Variants in CLASP2 observed in about 807,000 individuals in gnomAD.
CLASP2 encodes the protein CLIP-associating protein 2.
CLASP2 carries 47 observed loss-of-function variants against 194.4 expected under a neutral mutation model. The ratio of observed to expected loss-of-function variants is 0.24; its 90% CI spans 0.19 to 0.31. The LOEUF is 0.31. Among genes scored for constraint, CLASP2 ranks in the 10% least tolerant of loss-of-function variants. The probability of loss-of-function intolerance (pLI) is 1.00; values close to 1 mark genes in which losing one functional copy is unlikely to be tolerated. For synonymous variants in CLASP2, 619 were observed against 633.5 expected (o/e 0.98, Z 0.34); for missense variants, 1,445 against 1,823.6 (o/e 0.79, Z 3.78).
chr3:33,535,638 G>T (rs1011863220), intron 33 of CLASP2, among the ~76,000 whole-genome samples, 177 bp from the exon 34 acceptor site: 4 of 152,164 alleles, frequency 2.6e-5, no homozygotes, highest in African/African-American at 9.6e-5. Context: ...TATTCCAGAC[G>T]TCAAAGCTTA....
chr3:33,708,068 G>A (rs975195033), intron 1 of CLASP2, among the ~76,000 whole-genome samples: 1 of 152,106 alleles, frequency 6.6e-6, no homozygotes, highest in Non-Finnish European at 1.5e-5. Context: ...TTCCCCATCT[G>A]TTTTGTGGTG....
At chr3:33,693,808 T>C (rs1402344546) in intron 2 of CLASP2, among the ~76,000 whole-genome samples, 1 of 151,566 alleles carries the variant, frequency 6.6e-6, no homozygotes, top group Non-Finnish European at 1.5e-5. Context: ...CAATATTGAC[T>C]GACAGTAAAT....
At chr3:33,660,938 G>C (rs905182776) in intron 7 of CLASP2, among the ~76,000 whole-genome samples, 1 of 152,158 alleles carries the variant, frequency 6.6e-6, no homozygotes, top group African/African-American at 2.4e-5. Flanking sequence ...AAATAAAGAA[G>C]AAGTTGAATT....
rs1491363004 is a variant in CLASP2 at position 33,684,321 on chromosome 3, TGA to T, written c.644+36_644+37del. 4.8e-4 allele frequency: 517 copies of T among 1,069,740 alleles called. No individual in the cohort carries two copies. In the African/African-American group the frequency reaches 7.8e-3, roughly 16 times the overall value. 66.3% of individuals were successfully genotyped at this position (1,069,740 alleles called of 1,614,324 possible). A position where few individuals can be genotyped will look rare whatever the true frequency, so the allele number is the denominator to read the frequency against. On this transcript the variant is annotated intron_variant, in intron 6 of 38. Coordinates refer to ENST00000682230, the MANE Select transcript of CLASP2 (RefSeq NM_001365631.1). The stretch of plus-strand genomic sequence containing the variant: ...AAATGAAAACTTTTAAAACTAGTGG[TGA>T]AAAAAAAAAAAAGAACCAAATTTAG...
intron 6 of CLASP2, among the ~76,000 whole-genome samples, chr3:33,673,750 C>A (rs1238955954): frequency 2.6e-5 from 4 of 152,140 alleles, no homozygotes; most frequent in African/African-American, 7.2e-5. Context: ...GGAGGAAGAT[C>A]TACCAAGCAA....
At chr3:33,542,052 C>G (rs2058450594) in intron 32 of CLASP2, among the ~76,000 whole-genome samples, 1 of 152,090 alleles carries the variant, frequency 6.6e-6, no homozygotes, top group Non-Finnish European at 1.5e-5. Context: ...GAGATGGTAT[C>G]TCACTGTGGG....
chr3:33,568,040 GA>G (rs1157463919), intron 26 of CLASP2, among the ~76,000 whole-genome samples: 1 of 152,002 alleles, frequency 6.6e-6, no homozygotes, highest in African/African-American at 2.4e-5. Context: ...GTATATGAAG[GA>G]AAAAAAGTTC....
chr3:33,686,934 G>T, intron 5 of CLASP2, 126 bp downstream of exon 5: 2 of 566,144 alleles, frequency 3.5e-6, no homozygotes, highest in Non-Finnish European at 6.2e-6. Context: ...TTTTTAATGA[G>T]GTAAAATCTT....
At chr3:33,611,191 AAAAC>A (rs894372599) in intron 13 of CLASP2, among the ~76,000 whole-genome samples, 74 of 152,278 alleles carry the variant, frequency 4.9e-4, no homozygotes, top group African/African-American at 1.4e-3. Flanking sequence ...CAACCTTACA[AAAAC>A]AAACAAACAA....
intron 24 of CLASP2, among the ~76,000 whole-genome samples, chr3:33,575,870 CATATTTAT>C (rs2064766733): frequency 6.6e-6 from 1 of 152,084 alleles, no homozygotes; most frequent in South Asian, 2.1e-4. Flanking sequence ...TTTAAGTGTA[CATATTTAT>C]ATAGTTTATC....
At chr3:33,662,862 C>G (rs746362713) in intron 7 of CLASP2, among the ~76,000 whole-genome samples, 1 of 152,030 alleles carries the variant, frequency 6.6e-6, no homozygotes, top group African/African-American at 2.4e-5. Flanking sequence ...AATTTATCAA[C>G]TTTACAAAAA....
chr3:33,579,812 AG>A (rs2065634935), intron 23 of CLASP2, among the ~76,000 whole-genome samples: 1 of 152,180 alleles, frequency 6.6e-6, no homozygotes, highest in Non-Finnish European at 1.5e-5. Context: ...GAATGAACCC[AG>A]GCCACCTGAC....
At chr3:33,544,982 A>C in intron 30 of CLASP2, 141 bp from the exon 31 acceptor site, 1 of 556,508 alleles carries the variant, frequency 1.8e-6, no homozygotes, top group Non-Finnish European at 2.8e-6. Context: ...TTTGCTTTCA[A>C]ACTGTTTTGC....
intron 6 of CLASP2, among the ~76,000 whole-genome samples, chr3:33,674,133 AAT>A (rs1342131696): frequency 5.3e-5 from 8 of 152,352 alleles, no homozygotes; most frequent in African/African-American, 1.9e-4. Context: ...AAATCAACAG[AAT>A]ATACATTCTT....
At chr3:33,555,854 G>C (rs2060833786) in intron 29 of CLASP2, among the ~76,000 whole-genome samples, 1 of 152,124 alleles carries the variant, frequency 6.6e-6, no homozygotes, top group Non-Finnish European at 1.5e-5. Context: ...TTATCGTCAT[G>C]CAAAATTTTA....
intron 25 of CLASP2, among the ~76,000 whole-genome samples, chr3:33,572,096 A>G (rs1170737340): frequency 6.6e-6 from 1 of 152,250 alleles, no homozygotes; most frequent in East Asian, 1.9e-4. Flanking sequence ...AAATCATTCT[A>G]AACTATGCTT....
chr3:33,647,661 A>G (rs540682464), intron 7 of CLASP2, among the ~76,000 whole-genome samples: 1 of 152,322 alleles, frequency 6.6e-6, no homozygotes, highest in African/African-American at 2.4e-5. Flanking sequence ...ATAAAATTTT[A>G]TATACAAAAA....
Position 33,648,232 on chromosome 3 carries a change from A to G in CLASP2, c.716-3329T>C, listed in dbSNP as rs575136060. Among the ~76,000 whole-genome samples the G allele has an allele frequency of 2.0e-5, 3 of 152,316 alleles. No individual in the cohort carries two copies. In the East Asian group the frequency reaches 5.8e-4, roughly 29 times the overall value. On this transcript the variant is annotated intron_variant, in intron 7 of 38. Transcript: ENST00000682230. ...TAGTAAAAGTGAAAGACCCAGGCTG[A>G]ATTTTTAAAAATAGGTTGCTTAAAT...
At chr3:33,610,081 T>C (rs2074813328) in intron 13 of CLASP2, among the ~76,000 whole-genome samples, 1 of 152,200 alleles carries the variant, frequency 6.6e-6, no homozygotes, top group African/African-American at 2.4e-5. Flanking sequence ...CTTCAATCAA[T>C]TATCAACACA....
Sources: gnomAD v4.1 joint callset for allele counts (sites outside exome capture counted in the v4.1 genomes callset) on GRCh38, gnomAD v4.1.1 for gene constraint, MANE v1.5 for transcripts, NCBI Gene and HGNC (gene_info 2026-07-23, HGNC 2026-07-21) for gene names.